The following HTRA1 variants were observed in gnomAD, a reference collection of about 807,000 sequenced individuals.
The protein encoded by HTRA1 is HtrA serine peptidase 1.
In HTRA1, 26 loss-of-function variants were observed where a neutral mutation model predicts 49.7. The observed-to-expected ratio is 0.52, with a 90% CI of 0.38 to 0.73. The LOEUF (loss-of-function observed/expected upper bound fraction) is 0.73. Among genes scored for constraint, HTRA1 ranks in the 30% least tolerant of loss-of-function variants. The probability of loss-of-function intolerance (pLI) is 0.00; values close to 1 mark genes in which losing one functional copy is unlikely to be tolerated. For synonymous variants in HTRA1, 291 were observed against 286.9 expected (o/e 1.01, Z -0.14); for missense variants, 561 against 667.2 (o/e 0.84, Z 1.75).
At chr10:122,467,548 C>G (rs1402967468) in intron 1 of HTRA1, among the ~76,000 whole-genome samples, 5 of 152,168 alleles carry the variant, frequency 3.3e-5, no homozygotes, top group African/African-American at 1.2e-4. Context: ...AGGCTGGCAT[C>G]GAATAGATGT....
intron 1 of HTRA1, among the ~76,000 whole-genome samples, chr10:122,482,570 C>A (rs1241573356): frequency 6.6e-6 from 1 of 152,112 alleles, no homozygotes. Flanking sequence ...CAGATCTAAT[C>A]TTTACCTGGC....
intron 3 of HTRA1, among the ~76,000 whole-genome samples, chr10:122,497,333 A>T (rs2097499148): frequency 6.6e-6 from 1 of 152,224 alleles, no homozygotes; most frequent in Non-Finnish European, 1.5e-5. Flanking sequence ...TGACCATATC[A>T]AATTATTCTT....
chr10:122,478,080 AC>A (rs1327630630), intron 1 of HTRA1, among the ~76,000 whole-genome samples: 2 of 152,056 alleles, frequency 1.3e-5, no homozygotes, highest in African/African-American at 4.8e-5. Flanking sequence ...CTCATCCTTA[AC>A]CCTGAATCCT....
intron 1 of HTRA1, among the ~76,000 whole-genome samples, chr10:122,465,155 A>C (rs1013590474): frequency 6.6e-6 from 1 of 152,098 alleles, no homozygotes; most frequent in African/African-American, 2.4e-5. Context: ...CTCAGAGAAC[A>C]TCTCTGCTCA....
intron 8 of HTRA1, among the ~76,000 whole-genome samples, chr10:122,512,292 C>T (rs969825398): frequency 4.6e-5 from 7 of 152,222 alleles, no homozygotes; most frequent in Non-Finnish European, 1.0e-4. Context: ...CCTTGCTCCA[C>T]GAGGACCCTC....
rs1301173333 is a variant in HTRA1, at chr10:122,464,002, G to A, written c.472+1878G>A. ...GCTGGCTGTGCCCCGTGCCCTGTGC[G>A]CAGATGTTCTTGAACTGGAGCAACT... On this transcript the variant is annotated intron_variant, in intron 1 of 8. Transcript: ENST00000368984. The surrounding 1 kb of genome is among the most constrained non-coding windows in gnomAD (Gnocchi z 4.8). 1.3e-5 allele frequency among the ~76,000 whole-genome samples: 2 copies of A among 152,224 alleles called. No individual in the cohort carries two copies. Among genetic ancestry groups the A allele is most frequent in the African/African-American group, 2.4e-5 (1 of 41,456 alleles).
rs1444535840 is a variant in HTRA1, at chr10:122,461,759, G to A, written c.107G>A (p.Gly36Glu). The change falls in exon 1 of 9, where the codon GGG becomes GAG. Residue 36 changes from glycine to glutamate, a missense_variant. Gly to Glu is a moderately conservative substitution (Grantham distance 98). Coordinates refer to ENST00000368984, the MANE Select transcript of HTRA1 (RefSeq NM_002775.5). ...GGCCGCTCGGCGCCTTTGGCCGCCGGGTGCCCAGACCGCTGCGAGCCGGCG... is the reference window on the plus strand; with the variant it reads ...GGCCGCTCGGCGCCTTTGGCCGCCGAGTGCCCAGACCGCTGCGAGCCGGCG... Reference protein sequence around the residue: ...RAGRSAPLAAGCPDRCEPARC... With the variant: ...RAGRSAPLAAECPDRCEPARC... The A allele has an allele frequency of 3.6e-6, 4 of 1,105,902 alleles. No individual in the cohort carries two copies. In the South Asian group the frequency reaches 9.0e-5, roughly 25 times the overall value. The allele number at this position is 1,105,902 out of a possible 1,614,324, so 68.5% of individuals were successfully genotyped here. A position where few individuals can be genotyped will look rare whatever the true frequency, so the allele number is the denominator to read the frequency against.
chr10:122,474,982 G>A (rs2097487779), intron 1 of HTRA1, among the ~76,000 whole-genome samples: 1 of 152,178 alleles, frequency 6.6e-6, no homozygotes, highest in Admixed American at 6.5e-5. Context: ...TGTTCTGGAA[G>A]AGGCATCTTT....
In HTRA1 at chr10:122,494,960, G is replaced by A. The variant is rs1046259977; in HGVS notation, c.777+5334G>A. 1.3e-5 allele frequency among the ~76,000 whole-genome samples: 2 copies of A among 152,110 alleles called. No individual in the cohort carries two copies. Among genetic ancestry groups the A allele is most frequent in the African/African-American group, 4.8e-5 (2 of 41,410 alleles). On this transcript the variant is annotated intron_variant, in intron 3 of 8. Transcript: ENST00000368984. This position sits in a 1 kb window ranked among gnomAD's most constrained non-coding sequence, Gnocchi z 4.0. ...CTTCCCTGAGTCAGCTGAGTGAGGG[G>A]GTTCAGGCAGCCCCCCGGGACATGG...
At chr10:122,465,374 G>C (rs574246933) in intron 1 of HTRA1, among the ~76,000 whole-genome samples, 2 of 152,182 alleles carry the variant, frequency 1.3e-5, no homozygotes, top group African/African-American at 2.4e-5. Context: ...TCTATGCCGG[G>C]TGCATACTAA....
At position 122,479,682 on chromosome 10, in the gene HTRA1, G is replaced by C. The variant is rs185376078; in HGVS notation, c.473-9220G>C. On this transcript the variant is annotated intron_variant, in intron 1 of 8. Transcript: ENST00000368984. ...GGGGGATGGGGTGGAGCACTTTGGA[G>C]GTGTGGGGAGAGGTCTGCAGGGTGG... Among the ~76,000 whole-genome samples, 314 of 152,270 alleles carry C rather than the reference G, an allele frequency of 2.1e-3. 2 individuals are homozygous for C. Among genetic ancestry groups the C allele is most frequent in the African/African-American group, 7.2e-3 (299 of 41,552 alleles).
chr10:122,499,277 G>A (rs1015767933), intron 3 of HTRA1, among the ~76,000 whole-genome samples: 7 of 152,294 alleles, frequency 4.6e-5, no homozygotes, highest in Non-Finnish European at 7.3e-5. Context: ...ATGCCAAGTC[G>A]TGAGGCCTCC....
chr10:122,510,577 G>A (rs1035836846), intron 7 of HTRA1, among the ~76,000 whole-genome samples: 1 of 152,174 alleles, frequency 6.6e-6, no homozygotes, highest in African/African-American at 2.4e-5. Context: ...CTCGTGGGCC[G>A]CGGCTCCAGG....
chr10:122,507,000 T>A lies in HTRA1; in HGVS notation c.972+115T>A. ...TGTAGTCTGCGTGAAGGGATGGAAC[T>A]AGACCAAGCCATGTGGATTCTAGTG... is the stretch of plus-strand genomic sequence containing the variant. On this transcript the variant is annotated intron_variant, in intron 4 of 8. Transcript: ENST00000368984. This position sits in a 1 kb window ranked among gnomAD's most constrained non-coding sequence, Gnocchi z 5.2. The A allele has an allele frequency of 1.1e-6, 1 of 929,782 alleles. No individual in the cohort carries two copies. Among genetic ancestry groups the A allele is most frequent in the Non-Finnish European group, 1.7e-6 (1 of 593,800 alleles). The allele number at this position is 929,782 out of a possible 1,614,324, so 57.6% of individuals were successfully genotyped here. A position where few individuals can be genotyped will look rare whatever the true frequency, so the allele number is the denominator to read the frequency against.
intron 1 of HTRA1, among the ~76,000 whole-genome samples, chr10:122,481,307 C>T (rs2284667): frequency 0.19 from 29,329 of 152,110 alleles, 3,175 homozygotes; most frequent in South Asian, 0.43. Context: ...AAATATATCT[C>T]ATTTAACCTG....
Position 122,489,632 on chromosome 10 carries a change from G to C in HTRA1, c.777+6G>C, listed in dbSNP as rs1177224088. 6.2e-7 allele frequency: 1 copy of C among 1,612,704 alleles called. No homozygotes were observed. The highest frequency in any genetic ancestry group is 8.5e-7 in the Non-Finnish European group (1 of 1,179,702). On this transcript the variant is annotated splice_donor_region_variant and intron_variant, in intron 3 of 8. Transcript: ENST00000368984. ...TCATCAAAATTGACCACCAGGTAAG[G>C]GTGTTCTCGCCTGCAGAGGTGAGTT...
At chr10:122,501,670 G>A (rs1440361960) in intron 3 of HTRA1, among the ~76,000 whole-genome samples, 2 of 152,128 alleles carry the variant, frequency 1.3e-5, no homozygotes, top group African/African-American at 4.8e-5. Context: ...TGCTGAGGTC[G>A]CTGCTTGATT....
At chr10:122,507,822 C>T (rs192601350) in intron 5 of HTRA1, among the ~76,000 whole-genome samples, 3 of 152,310 alleles carry the variant, frequency 2.0e-5, no homozygotes, top group African/African-American at 7.2e-5. Flanking sequence ...TTTCTCTTGG[C>T]CAGGAATCCT....
At position 122,506,248 on chromosome 10, in the gene HTRA1, G is replaced by A. The variant is rs1297209591; in HGVS notation, c.778-443G>A. On this transcript the variant is annotated intron_variant, in intron 3 of 8. Transcript: ENST00000368984. The surrounding 1 kb of genome is among the most constrained non-coding windows in gnomAD (Gnocchi z 5.2). ...ATGTGCACATGATGAGTCGGGGCAG[G>A]TTTCACTGCCTGTAGCTTGGGATCC... 2.0e-5 allele frequency among the ~76,000 whole-genome samples: 3 copies of A among 152,116 alleles called. No homozygotes were observed. The highest frequency in any genetic ancestry group is 3.9e-4 in the East Asian group (2 of 5,180).
Sources: allele counts gnomAD v4.1 joint callset (sites outside exome capture counted in the v4.1 genomes callset), GRCh38; gene constraint gnomAD v4.1.1; non-coding constraint Gnocchi (gnomAD v3.1); transcripts MANE v1.5; gene names NCBI Gene and HGNC (gene_info 2026-07-23, HGNC 2026-07-21).